ROS1: variants seen among roughly 807,000 people sequenced by gnomAD.
The protein encoded by ROS1 is ROS proto-oncogene 1, receptor tyrosine kinase.
Under a neutral mutation model 273.5 loss-of-function variants are expected in ROS1, and 263 were observed. That is an observed-to-expected ratio of 0.96 (90% confidence interval 0.87 to 1.06). The LOEUF (loss-of-function observed/expected upper bound fraction) is 1.06. ROS1 is among the 50% of genes least tolerant of loss of function. The pLI is 0.00. For synonymous variants in ROS1, 1,008 were observed against 954.1 expected (o/e 1.06, Z -1.04); for missense variants, 2,833 against 2,751.1 (o/e 1.03, Z -0.67).
chr6:117,395,584 CA>C (rs1773426460), intron 9 of ROS1, among the ~76,000 whole-genome samples: 1 of 152,096 alleles, frequency 6.6e-6, no homozygotes, highest in African/African-American at 2.4e-5. Flanking sequence ...CTCAAATTTC[CA>C]GTACTTCTTA....
intron 39 of ROS1, among the ~76,000 whole-genome samples, chr6:117,315,934 G>A (rs989216642): frequency 1.1e-4 from 17 of 152,060 alleles, no homozygotes; most frequent in African/African-American, 3.1e-4. Context: ...GGGAGTTTAC[G>A]TATATAAAAA....
At chr6:117,378,273 A>G (rs1781500729) in intron 18 of ROS1, among the ~76,000 whole-genome samples, 1 of 152,246 alleles carries the variant, frequency 6.6e-6, no homozygotes, top group Admixed American at 6.5e-5. Context: ...CCATCAAGAC[A>G]TGCATAGAAT....
intron 31 of ROS1, among the ~76,000 whole-genome samples, chr6:117,340,477 C>G (rs931921117): frequency 2.0e-5 from 3 of 152,104 alleles, no homozygotes; most frequent in Non-Finnish European, 2.9e-5. Context: ...TGCACATGCA[C>G]ATATATAATA....
At position 117,301,080 on chromosome 6, in the gene ROS1, A is replaced by G. The variant is rs538165958; in HGVS notation, c.6609T>C (p.His2203=). The G allele has an allele frequency of 1.6e-5, 25 of 1,604,724 alleles. 1 individual carries two copies. In the South Asian group the frequency reaches 2.3e-4, roughly 15 times the overall value. The change falls in exon 43 of 44, where the codon CAT becomes CAC. Residue 2203 remains histidine, a synonymous_variant. Coordinates refer to ENST00000368507, the MANE Select transcript of ROS1 (RefSeq NM_001378902.1). ...AQEPDQRPTF[H]RIQDQLQLFR... The stretch of plus-strand genomic sequence containing the variant: ...ATAACTGAAGTTGGTCCTGAATTCT[A>G]TGAAAAGTAGGTCTTTGGTCGGGTT...
intron 39 of ROS1, 86 bp from the exon 40 acceptor site, chr6:117,311,203 G>A (rs768701106): frequency 1.1e-4 from 74 of 684,942 alleles, no homozygotes; most frequent in Admixed American, 1.6e-4. Context: ...GTGGATACAT[G>A]TATATGCATA....
rs150002762 is a variant in ROS1, at chr6:117,393,322, C to G, written c.1192-1G>C. On this transcript the variant is annotated splice_acceptor_variant, in intron 11 of 43. Transcript: ENST00000368507. LOFTEE classifies it high-confidence loss of function. The stretch of plus-strand genomic sequence containing the variant: ...AGTTCTCTAAATCACAGACACATAC[C>G]TAAAAAAATAAAAAATATACCGGTA... 1.9e-6 allele frequency: 3 copies of G among 1,584,418 alleles called. No homozygotes were observed. The highest frequency in any genetic ancestry group is 1.7e-5 in the Admixed American group (1 of 59,226).
chr6:117,297,669 G>A (rs920144304), intron 43 of ROS1, among the ~76,000 whole-genome samples: 5 of 152,132 alleles, frequency 3.3e-5, no homozygotes, highest in East Asian at 1.9e-4. Flanking sequence ...ATAATAATAA[G>A]ATATCATCCT....
intron 7 of ROS1, 85 bp from the exon 8 acceptor site, chr6:117,397,201 T>G: frequency 3.2e-6 from 3 of 938,800 alleles, no homozygotes. Flanking sequence ...GTCTTGTTTT[T>G]TTTTTTGAAA....
At chr6:117,410,411 A>G (rs1015375934) in intron 4 of ROS1, among the ~76,000 whole-genome samples, 3 of 152,230 alleles carry the variant, frequency 2.0e-5, no homozygotes, top group African/African-American at 7.2e-5. Context: ...TTTGTAGAGT[A>G]GCTGAATATT....
At position 117,376,505 on chromosome 6, in the gene ROS1, CTATAACTCTTA is replaced by C. The variant is rs1456702026; in HGVS notation, c.2582+2543_2582+2553del. On this transcript the variant is annotated intron_variant, in intron 18 of 43. Coordinates refer to ENST00000368507, the MANE Select transcript of ROS1 (RefSeq NM_001378902.1). ...GCTTCCTAAGTCATTTTTGAGACTACTATAACTCTTACTAAAGTATTCTAGAAGAAATCTAC... is the reference window on the plus strand; with the variant it reads ...GCTTCCTAAGTCATTTTTGAGACTACCTAAAGTATTCTAGAAGAAATCTAC... 5.9e-5 allele frequency among the ~76,000 whole-genome samples: 9 copies of C among 152,128 alleles called. 1 individual carries two copies. In the East Asian group the frequency reaches 1.5e-3, roughly 26 times the overall value.
At chr6:117,341,340 C>T (rs777349125) in intron 30 of ROS1, 29 bp from the exon 31 acceptor site, 1 of 1,612,452 alleles carries the variant, frequency 6.2e-7, no homozygotes, top group Admixed American at 1.7e-5. Flanking sequence ...AATTGCTTAA[C>T]CTTTTGAGAG....
intron 4 of ROS1, among the ~76,000 whole-genome samples, chr6:117,413,751 G>T (rs577803976): frequency 3.9e-5 from 6 of 152,276 alleles, no homozygotes; most frequent in Admixed American, 2.0e-4. Context: ...GGAGGCTGAG[G>T]TGGGTGGATC....
At position 117,389,478 on chromosome 6, in the gene ROS1, T is replaced by C. The variant is rs752340723; in HGVS notation, c.1658A>G (p.Asn553Ser). 7.4e-6 allele frequency: 12 copies of C among 1,614,140 alleles called. No homozygotes were observed. The South Asian group carries it at 1.3e-4, about 18-fold the overall frequency. Reference sequence around the variant, plus strand: ...GGAGGATGAGCCAAAGATGACCAAGTTACCAAACCCAAATTCTTCTATGTG... The same window carrying C: ...GGAGGATGAGCCAAAGATGACCAAGCTACCAAACCCAAATTCTTCTATGTG... ...LSHIEEFGFG[N>S]LVIFGSSSQL... The change falls in exon 13 of 44, where the codon AAC becomes AGC. Residue 553 changes from asparagine (N) to serine (S), a missense_variant. By Grantham distance (46) the Asn-to-Ser change is conservative. Coordinates refer to ENST00000368507, the MANE Select transcript of ROS1 (RefSeq NM_001378902.1).
intron 43 of ROS1, among the ~76,000 whole-genome samples, chr6:117,294,827 A>G (rs1040936287): frequency 9.2e-5 from 14 of 152,186 alleles, no homozygotes; most frequent in African/African-American, 3.4e-4. Context: ...AAACAAATGG[A>G]AAAATATTCC....
chr6:117,340,260 C>T (rs1330354036), intron 31 of ROS1, among the ~76,000 whole-genome samples: 1 of 151,968 alleles, frequency 6.6e-6, no homozygotes, highest in Non-Finnish European at 1.5e-5. Flanking sequence ...AGTGTTGTTC[C>T]ACAGTTTTCA....
chr6:117,336,375 A>G (rs1174077394), intron 32 of ROS1, among the ~76,000 whole-genome samples: 1 of 145,212 alleles, frequency 6.9e-6, no homozygotes, highest in Non-Finnish European at 1.5e-5. Context: ...CCTTGTGTCC[A>G]TGCGTTCTCA....
intron 27 of ROS1, 70 bp downstream of exon 27, chr6:117,352,920 A>C: frequency 5.0e-6 from 7 of 1,394,968 alleles, no homozygotes; most frequent in Non-Finnish European, 6.0e-6. Flanking sequence ...GCCTTGGAGA[A>C]GGAGATGTTA....
chr6:117,405,111 T>G (rs1388334786), intron 5 of ROS1, among the ~76,000 whole-genome samples: 2 of 152,204 alleles, frequency 1.3e-5, no homozygotes, highest in Non-Finnish European at 2.9e-5. Context: ...TGTGATGAAT[T>G]TAATGCTTCT....
chr6:117,355,037 A>T (rs1389134920), intron 26 of ROS1, among the ~76,000 whole-genome samples: 1 of 152,194 alleles, frequency 6.6e-6, no homozygotes, highest in Non-Finnish European at 1.5e-5. Flanking sequence ...CTTAAATCAG[A>T]CCAATGTCCA....
Sources: gnomAD v4.1 joint callset for allele counts (sites outside exome capture counted in the v4.1 genomes callset) on GRCh38, gnomAD v4.1.1 for gene constraint, MANE v1.5 for transcripts, NCBI Gene and HGNC (gene_info 2026-07-23, HGNC 2026-07-21) for gene names.